Variants in PTPRG observed in about 807,000 individuals in gnomAD.
PTPRG encodes receptor-type tyrosine-protein phosphatase gamma.
PTPRG carries 102 observed loss-of-function variants against 165.3 expected under a neutral mutation model. The observed-to-expected ratio is 0.62, with a 90% CI of 0.53 to 0.73. The LOEUF (loss-of-function observed/expected upper bound fraction) is 0.73, where lower values mean the gene tolerates loss of function less well. Ranked by LOEUF, PTPRG falls within the 30% of genes least tolerant of loss-of-function variation. PTPRG has a pLI of 0.00. For missense variants in PTPRG, 1,866 were observed against 1,861.4 expected (o/e 1.00, Z -0.05); for synonymous variants, 675 against 669.5 (o/e 1.01, Z -0.13).
intron 1 of PTPRG, among the ~76,000 whole-genome samples, chr3:61,675,493 C>T (rs551351380): frequency 2.9e-4 from 44 of 152,192 alleles, no homozygotes; most frequent in African/African-American, 9.1e-4. Context: ...AACTGAGTCC[C>T]GTATTTTTCT....
At chr3:61,894,503 T>TTAACAAATAACAAAA (rs2038299662) in intron 2 of PTPRG, among the ~76,000 whole-genome samples, 2 of 152,134 alleles carry the variant, frequency 1.3e-5, no homozygotes, top group South Asian at 4.1e-4. Flanking sequence ...ATTTTTGGGA[T>TTAACAAATAACAAAA]CCATGCTATG....
rs1320931462 is a variant in PTPRG at position 61,913,970 on chromosome 3, C to T, written c.191-75655C>T. 2.0e-5 allele frequency among the ~76,000 whole-genome samples: 3 copies of T among 152,148 alleles called. No homozygotes were observed. In the East Asian group the frequency reaches 5.8e-4, roughly 29 times the overall value. On this transcript the variant is annotated intron_variant, in intron 2 of 29. Coordinates refer to ENST00000474889, the MANE Select transcript of PTPRG (RefSeq NM_002841.4). Reference sequence around the variant, plus strand: ...GATCGGTCCAAATTTACTAAAGAATCCTATTTTGTTTCAGTGTTATAACAA... The same window carrying T: ...GATCGGTCCAAATTTACTAAAGAATTCTATTTTGTTTCAGTGTTATAACAA...
intron 2 of PTPRG, among the ~76,000 whole-genome samples, chr3:61,936,014 G>T (rs1364190001): frequency 1.3e-5 from 2 of 152,106 alleles, no homozygotes; most frequent in African/African-American, 4.8e-5. Context: ...CCTTATAAAA[G>T]AGATTAAAGT....
chr3:61,633,014 G>C (rs1020787556), intron 1 of PTPRG, among the ~76,000 whole-genome samples: 1 of 152,146 alleles, frequency 6.6e-6, no homozygotes, highest in Non-Finnish European at 1.5e-5. Flanking sequence ...TACACAGAAA[G>C]AGTCATCCCC....
chr3:62,130,890 C>T (rs78632738), intron 5 of PTPRG, among the ~76,000 whole-genome samples: 1 of 152,062 alleles, frequency 6.6e-6, no homozygotes, highest in Non-Finnish European at 1.5e-5. Context: ...TATGCCAACT[C>T]CCAGAATTCC....
intron 1 of PTPRG, among the ~76,000 whole-genome samples, chr3:61,635,140 A>G (rs1195979345): frequency 6.6e-6 from 1 of 152,130 alleles, no homozygotes; most frequent in Non-Finnish European, 1.5e-5. Context: ...GGAGCCTGTC[A>G]AACAGCCATA....
intron 2 of PTPRG, among the ~76,000 whole-genome samples, chr3:61,929,442 G>T (rs1374140558): frequency 2.0e-5 from 3 of 152,080 alleles, no homozygotes; most frequent in Admixed American, 6.5e-5. Context: ...TAGTCCTAAA[G>T]TTCCATTTCT....
At chr3:61,946,102 A>T (rs2039754733) in intron 2 of PTPRG, among the ~76,000 whole-genome samples, 1 of 152,242 alleles carries the variant, frequency 6.6e-6, no homozygotes, top group South Asian at 2.1e-4. Context: ...TAAACAGCAC[A>T]AAATTAAAAA....
Position 61,997,718 on chromosome 3 carries a change from A to G in PTPRG, c.371-5631A>G, listed in dbSNP as rs539073869. Among the ~76,000 whole-genome samples the G allele has an allele frequency of 1.3e-3, 191 of 152,220 alleles. 2 individuals are homozygous for G. Among genetic ancestry groups the G allele is most frequent in the Admixed American group, 2.1e-3 (32 of 15,280 alleles). On this transcript the variant is annotated intron_variant, in intron 3 of 29. Transcript: ENST00000474889. ...TAAGGGCAAGAGTTGTGTCTGATTTACCCACCTTTTTCTGCCAGTCATTAC... is the reference window on the plus strand; with the variant it reads ...TAAGGGCAAGAGTTGTGTCTGATTTGCCCACCTTTTTCTGCCAGTCATTAC...
chr3:62,259,259 T>C (rs1042506090), intron 16 of PTPRG, among the ~76,000 whole-genome samples: 4 of 152,228 alleles, frequency 2.6e-5, no homozygotes, highest in Admixed American at 2.6e-4. Flanking sequence ...GGTGTAATGC[T>C]GCACCGACTG....
chr3:61,849,933 ATTGATTTTTAATTATTC>A (rs2107360661), intron 2 of PTPRG, among the ~76,000 whole-genome samples: 1 of 152,216 alleles, frequency 6.6e-6, no homozygotes, highest in Non-Finnish European at 1.5e-5. Context: ...TATTTTTATG[ATTGATTTTTAATTATTC>A]TAAGCAATAC....
chr3:62,281,460 G>A (rs1161540537), intron 26 of PTPRG, 103 bp from the exon 27 acceptor site: 8 of 1,033,366 alleles, frequency 7.7e-6, no homozygotes, highest in East Asian at 2.8e-5. Flanking sequence ...CAGTTTAAAC[G>A]ATGGCTTGAG....
At chr3:61,918,440 T>C (rs1026093955) in intron 2 of PTPRG, among the ~76,000 whole-genome samples, 2 of 152,202 alleles carry the variant, frequency 1.3e-5, no homozygotes, top group African/African-American at 4.8e-5. Context: ...AATTCTCCTA[T>C]GATGCATTGT....
At chr3:61,614,082 G>A (rs902371475) in intron 1 of PTPRG, among the ~76,000 whole-genome samples, 2 of 152,118 alleles carry the variant, frequency 1.3e-5, no homozygotes, top group African/African-American at 4.8e-5. Flanking sequence ...TCCTAGTACA[G>A]ATGAAAAAAT....
At chr3:61,687,823 A>G (rs373957783) in intron 1 of PTPRG, among the ~76,000 whole-genome samples, 5 of 152,220 alleles carry the variant, frequency 3.3e-5, no homozygotes, top group Admixed American at 1.3e-4. Flanking sequence ...AATAGCCCTC[A>G]GAATATGACA....
chr3:62,265,925 A>ACC (rs1701859636), intron 17 of PTPRG, among the ~76,000 whole-genome samples: 1 of 149,752 alleles, frequency 6.7e-6, no homozygotes, highest in Non-Finnish European at 1.5e-5. Flanking sequence ...ACACACACAC[A>ACC]CCATTCTCTC....
intron 2 of PTPRG, among the ~76,000 whole-genome samples, chr3:61,945,038 C>G (rs2039722485): frequency 6.6e-6 from 1 of 152,174 alleles, no homozygotes. Flanking sequence ...GGGTGTGTTT[C>G]TTTGTCGTCT....
Position 61,678,672 on chromosome 3 carries a change from T to G in PTPRG, c.86-70206T>G, listed in dbSNP as rs145863573. Among the ~76,000 whole-genome samples the G allele has an allele frequency of 7.1e-3, 1,084 of 152,218 alleles. 12 individuals carry two copies. Among genetic ancestry groups the G allele is most frequent in the African/African-American group, 0.024 (1,011 of 41,512 alleles). On this transcript the variant is annotated intron_variant, in intron 1 of 29. Coordinates refer to ENST00000474889, the MANE Select transcript of PTPRG (RefSeq NM_002841.4). ...GGCTTCCAGGCGTCTCCGCTTGGCA[T>G]CTCACATTTCTAGAAAAACAGCACC...
At chr3:62,183,152 G>T (rs1400869401) in intron 8 of PTPRG, among the ~76,000 whole-genome samples, 1 of 152,192 alleles carries the variant, frequency 6.6e-6, no homozygotes, top group African/African-American at 2.4e-5. Flanking sequence ...TAAAACAAGG[G>T]TAATGATAGA....
Sources: allele counts gnomAD v4.1 joint callset (sites outside exome capture counted in the v4.1 genomes callset), GRCh38; gene constraint gnomAD v4.1.1; transcripts MANE v1.5; gene names NCBI Gene and HGNC (gene_info 2026-07-23, HGNC 2026-07-21).